CPPED1: variants seen among roughly 807,000 people sequenced by gnomAD.
The protein encoded by CPPED1 is calcineurin like phosphoesterase domain containing 1, also known as serine/threonine-protein phosphatase CPPED1.
Under a neutral mutation model 28.0 loss-of-function variants are expected in CPPED1, and 28 were observed. The ratio of observed to expected loss-of-function variants is 1.00; its 90% confidence interval spans 0.74 to 1.37. The LOEUF (loss-of-function observed/expected upper bound fraction) is 1.37. Among genes scored for constraint, CPPED1 ranks in the 40% most tolerant of loss-of-function variants. The pLI is 0.00. For synonymous variants in CPPED1, 198 were observed against 180.2 expected (o/e 1.10, Z -0.79); for missense variants, 504 against 416.5 (o/e 1.21, Z -1.83).
At chr16:12,680,395 C>T (rs1401731655) in intron 3 of CPPED1, among the ~76,000 whole-genome samples, 1 of 152,072 alleles carries the variant, frequency 6.6e-6, no homozygotes, top group African/African-American at 2.4e-5. Flanking sequence ...TTCCCTCTGC[C>T]CCCACACTGC....
intron 2 of CPPED1, among the ~76,000 whole-genome samples, chr16:12,749,381 C>T (rs770724190): frequency 1.9e-4 from 29 of 152,312 alleles, no homozygotes; most frequent in South Asian, 4.1e-4. Flanking sequence ...AACTCCTCAT[C>T]TGTTCAAGTT....
chr16:12,782,306 T>C (rs1299049196), intron 1 of CPPED1, among the ~76,000 whole-genome samples: 1 of 152,142 alleles, frequency 6.6e-6, no homozygotes, highest in Non-Finnish European at 1.5e-5. Context: ...AAATCGTACA[T>C]GACAGACCAA....
chr16:12,671,166 T>A (rs1332172197), intron 3 of CPPED1, among the ~76,000 whole-genome samples: 1 of 152,232 alleles, frequency 6.6e-6, no homozygotes, highest in Admixed American at 6.5e-5. Context: ...TTTAAAAGTA[T>A]ACTTATCCCC....
intron 3 of CPPED1, among the ~76,000 whole-genome samples, chr16:12,674,122 C>A (rs909130802): frequency 6.6e-6 from 1 of 152,122 alleles, no homozygotes; most frequent in African/African-American, 2.4e-5. Flanking sequence ...AAACCTTCTC[C>A]TTCTGGTAAA....
At chr16:12,766,179 G>C (rs1381280267) in intron 2 of CPPED1, among the ~76,000 whole-genome samples, 1 of 150,626 alleles carries the variant, frequency 6.6e-6, no homozygotes, top group Non-Finnish European at 1.5e-5. Flanking sequence ...CATCACCTTA[G>C]GTCAGGAGTT....
At chr16:12,674,479 C>CG (rs2079868272) in intron 3 of CPPED1, among the ~76,000 whole-genome samples, 1 of 152,130 alleles carries the variant, frequency 6.6e-6, no homozygotes, top group African/African-American at 2.4e-5. Context: ...CAGGGAGGCC[C>CG]GGAAGTTCTG....
intron 2 of CPPED1, among the ~76,000 whole-genome samples, chr16:12,720,988 G>A (rs977337389): frequency 6.6e-6 from 1 of 152,166 alleles, no homozygotes; most frequent in African/African-American, 2.4e-5. Flanking sequence ...TATTTCAGAA[G>A]CCACTGGTAA....
At chr16:12,769,239 C>T (rs141364333) in intron 2 of CPPED1, among the ~76,000 whole-genome samples, 10 of 143,184 alleles carry the variant, frequency 7.0e-5, no homozygotes, top group South Asian at 6.5e-4. Context: ...AATAGACCAA[C>T]ACATGAATTA....
At chr16:12,769,997 A>G (rs1166854837) in intron 2 of CPPED1, among the ~76,000 whole-genome samples, 1 of 152,192 alleles carries the variant, frequency 6.6e-6, no homozygotes, top group African/African-American at 2.4e-5. Flanking sequence ...AACAAAACCA[A>G]ACAAAACAAA....
chr16:12,664,880 G>A lies in CPPED1; in HGVS notation c.*6C>T, dbSNP rs1200236711. 1.9e-6 allele frequency: 3 copies of A among 1,607,912 alleles called. No individual in the cohort carries two copies. In the African/African-American group the frequency reaches 4.0e-5, roughly 22 times the overall value. On this transcript the variant is annotated 3_prime_UTR_variant, in exon 4 of 4. Transcript: ENST00000381774. This position sits in a 1 kb window ranked among gnomAD's most constrained non-coding sequence, Gnocchi z 4.2. ...AGTGAAAAGTGAACGGGAACGGGAAGGAGCGTCATTTTTTCTTGATCAAAT... is the reference window on the plus strand; with the variant it reads ...AGTGAAAAGTGAACGGGAACGGGAAAGAGCGTCATTTTTTCTTGATCAAAT...
intron 1 of CPPED1, among the ~76,000 whole-genome samples, chr16:12,782,379 T>C (rs2080537071): frequency 6.6e-6 from 1 of 152,126 alleles, no homozygotes; most frequent in Admixed American, 6.6e-5. Flanking sequence ...GAACTTCCAA[T>C]GCCAGAGCCA....
In CPPED1 at chr16:12,732,234, G is replaced by GA. The variant is rs36072985; in HGVS notation, c.290-27186dup. Among the ~76,000 whole-genome samples the GA allele has an allele frequency of 8.1e-3, 1,121 of 138,740 alleles. 18 individuals are homozygous for GA. Among genetic ancestry groups the GA allele is most frequent in the East Asian group, 0.068 (320 of 4,678 alleles). 91.0% of individuals were successfully genotyped at this position (138,740 alleles called of 152,430 possible). On this transcript the variant is annotated intron_variant, in intron 2 of 3. Transcript: ENST00000381774. ...GGATGCTATTTTGAAAAGGAATAAT[G>GA]AAAAAAAAAAAAGCTCTTGAAAATT...
At chr16:12,803,603 C>T (rs1206549394) in intron 1 of CPPED1, 104 bp downstream of exon 1, 1 of 1,039,888 alleles carries the variant, frequency 9.6e-7, no homozygotes, top group Non-Finnish European at 1.3e-6. Flanking sequence ...GGTGCAGCCC[C>T]GGATGGTGTC....
At chr16:12,690,540 G>GGT (rs961880535) in intron 3 of CPPED1, among the ~76,000 whole-genome samples, 2 of 149,012 alleles carry the variant, frequency 1.3e-5, no homozygotes, top group African/African-American at 2.5e-5. Context: ...AAAAAGGCCA[G>GGT]GTGTGGTGGC....
chr16:12,730,339 G>A (rs1051424764), intron 2 of CPPED1, among the ~76,000 whole-genome samples: 1 of 152,172 alleles, frequency 6.6e-6, no homozygotes, highest in African/African-American at 2.4e-5. Context: ...TCAGCTGGCA[G>A]CGAGAAAAGT....
At chr16:12,798,538 GT>G (rs2141247963) in intron 1 of CPPED1, among the ~76,000 whole-genome samples, 1 of 152,308 alleles carries the variant, frequency 6.6e-6, no homozygotes, top group African/African-American at 2.4e-5. Flanking sequence ...CAAGGGAGAA[GT>G]TTTCCAGAGA....
chr16:12,664,267 T>G lies in CPPED1; in HGVS notation c.*619A>C. 1 of 780,352 alleles carries G rather than the reference T, an allele frequency of 1.3e-6. No homozygotes were observed. Among genetic ancestry groups the G allele is most frequent in the Non-Finnish European group, 1.6e-6 (1 of 642,474 alleles). The allele number at this position is 780,352 out of a possible 1,614,324, so 48.3% of individuals were successfully genotyped here. A position where few individuals can be genotyped will look rare whatever the true frequency, so the allele number is the denominator to read the frequency against. On this transcript the variant is annotated 3_prime_UTR_variant, in exon 4 of 4. Coordinates refer to ENST00000381774, the MANE Select transcript of CPPED1 (RefSeq NM_018340.3). The surrounding 1 kb of genome is among the most constrained non-coding windows in gnomAD (Gnocchi z 4.2). ...TTTTCTAGGCACCCAGGAAGGCAAA[T>G]TTAAGCTCCGAGCTGTATCAACTGC... is the stretch of plus-strand genomic sequence containing the variant.
intron 2 of CPPED1, among the ~76,000 whole-genome samples, chr16:12,732,325 CAA>C (rs749772521): frequency 2.1e-5 from 3 of 141,770 alleles, no homozygotes; most frequent in Non-Finnish European, 4.6e-5. Context: ...GGAATCATCT[CAA>C]AAAGTAGAGT....
chr16:12,750,996 C>CAA (rs1322862232), intron 2 of CPPED1, among the ~76,000 whole-genome samples: 1 of 150,108 alleles, frequency 6.7e-6, no homozygotes, highest in African/African-American at 2.4e-5. Context: ...AAACAAACAA[C>CAA]AACAACAAAA....
Sources: allele counts gnomAD v4.1 joint callset (sites outside exome capture counted in the v4.1 genomes callset), GRCh38; gene constraint gnomAD v4.1.1; non-coding constraint Gnocchi (gnomAD v3.1); transcripts MANE v1.5; gene names NCBI Gene and HGNC (gene_info 2026-07-23, HGNC 2026-07-21).